The following KHDRBS2 variants were observed in gnomAD, a reference collection of about 807,000 sequenced individuals.
KHDRBS2 encodes the protein KH RNA binding domain containing, signal transduction associated 2.
Under a neutral mutation model 44.3 loss-of-function variants are expected in KHDRBS2, and 26 were observed. That is an observed-to-expected ratio of 0.59 (90% CI 0.43 to 0.81). KHDRBS2 has a LOEUF of 0.81. Among genes scored for constraint, KHDRBS2 ranks in the 40% least tolerant of loss-of-function variants. The pLI, the probability that KHDRBS2 is intolerant of heterozygous loss-of-function variation, is 0.00. For missense variants in KHDRBS2, 476 were observed against 433.1 expected, an observed-to-expected ratio of 1.10 and a Z score of -0.88; for synonymous variants, 194 against 151.1, an observed-to-expected ratio of 1.28 and a Z score of -2.08.
rs901250109 is a variant in KHDRBS2, at chr6:62,194,269, C to A, written c.92-16957G>T. Reference sequence around the variant, plus strand: ...TATAAACAGGATAAGAGTCCAACTTCATTTTTTTTGCATTTGGATAAACAG... The same window carrying A: ...TATAAACAGGATAAGAGTCCAACTTAATTTTTTTTGCATTTGGATAAACAG... On this transcript the variant is annotated intron_variant, in intron 1 of 8. Transcript: ENST00000281156. 2.4e-4 allele frequency among the ~76,000 whole-genome samples: 37 copies of A among 151,894 alleles called. 1 individual carries two copies. Among genetic ancestry groups the A allele is most frequent in the African/African-American group, 8.7e-4 (36 of 41,422 alleles).
At chr6:62,156,293 C>T (rs1168718928) in intron 2 of KHDRBS2, among the ~76,000 whole-genome samples, 2 of 152,016 alleles carry the variant, frequency 1.3e-5, no homozygotes, top group African/African-American at 4.8e-5. Flanking sequence ...GTATTTTGTA[C>T]TACCTATTTT....
intron 1 of KHDRBS2, among the ~76,000 whole-genome samples, chr6:62,254,616 G>A (rs1436690048): frequency 6.6e-6 from 1 of 151,928 alleles, no homozygotes; most frequent in African/African-American, 2.4e-5. Context: ...TAAGACAGGA[G>A]AAAGCCAGTA....
intron 7 of KHDRBS2, among the ~76,000 whole-genome samples, chr6:61,697,476 C>T (rs1309287906): frequency 1.3e-5 from 2 of 151,826 alleles, no homozygotes; most frequent in African/African-American, 4.8e-5. Context: ...TCTCTCTATC[C>T]ACCAATTTGA....
intron 2 of KHDRBS2, among the ~76,000 whole-genome samples, chr6:62,060,817 G>A (rs2127325787): frequency 6.6e-6 from 1 of 151,888 alleles, no homozygotes; most frequent in South Asian, 2.1e-4. Context: ...ATACTAAGTA[G>A]AAAAATGTGG....
At chr6:61,646,100 C>A in the KHDRBS2 span, among the ~76,000 whole-genome samples, 1 of 152,090 alleles carries the variant, frequency 6.6e-6, no homozygotes, top group African/African-American at 2.4e-5. Flanking sequence ...AAGGATTAAA[C>A]GAGTCAGTCC....
In KHDRBS2 at chr6:61,978,151, A is replaced by C; in HGVS notation, c.398T>G (p.Val133Gly). The C allele has an allele frequency of 6.2e-7, 1 of 1,611,988 alleles. No homozygotes were observed. Among genetic ancestry groups the C allele is most frequent in the Non-Finnish European group, 8.5e-7 (1 of 1,178,400 alleles). Residue 133 changes from valine to glycine, a missense_variant, in exon 4 of 9, where the codon GTA becomes GGA. Coordinates refer to ENST00000281156, the MANE Select transcript of KHDRBS2 (RefSeq NM_152688.4). Reference sequence around the variant, plus strand: ...AGGTGGAGCAAACACTTCAATTAATACATGAAGCTCATCACTCAAGTGGGC... The same window carrying C: ...AGGTGGAGCAAACACTTCAATTAATCCATGAAGCTCATCACTCAAGTGGGC... ...KYAHLSDELH[V>G]LIEVFAPPGE...
chr6:62,081,868 A>T (rs1391330268), intron 2 of KHDRBS2, among the ~76,000 whole-genome samples: 1 of 152,068 alleles, frequency 6.6e-6, no homozygotes, highest in Non-Finnish European at 1.5e-5. Context: ...ATATAATATT[A>T]TATACACAAA....
intron 6 of KHDRBS2, among the ~76,000 whole-genome samples, chr6:61,832,015 A>G (rs1354960009): frequency 6.6e-6 from 1 of 152,118 alleles, no homozygotes; most frequent in Non-Finnish European, 1.5e-5. Context: ...CCAAGGTGGG[A>G]GGACTGATTG....
At chr6:62,004,673 A>C (rs1778897922) in intron 3 of KHDRBS2, among the ~76,000 whole-genome samples, 1 of 152,208 alleles carries the variant, frequency 6.6e-6, no homozygotes, top group Non-Finnish European at 1.5e-5. Context: ...GGCCAGCATC[A>C]TACTGATACC....
intron 4 of KHDRBS2, among the ~76,000 whole-genome samples, chr6:61,952,675 C>A (rs1765015744): frequency 1.3e-5 from 2 of 152,036 alleles, no homozygotes; most frequent in African/African-American, 4.8e-5. Context: ...CAATTTTCCA[C>A]CTGGATATCA....
chr6:62,064,732 A>G (rs1793085352), intron 2 of KHDRBS2, among the ~76,000 whole-genome samples: 1 of 152,162 alleles, frequency 6.6e-6, no homozygotes, highest in Non-Finnish European at 1.5e-5. Flanking sequence ...CAAGGGCTTC[A>G]TGTCTAAAAC....
At chr6:62,164,848 A>G (rs1818351443) in intron 2 of KHDRBS2, among the ~76,000 whole-genome samples, 1 of 151,856 alleles carries the variant, frequency 6.6e-6, no homozygotes, top group Non-Finnish European at 1.5e-5. Context: ...TTATAATCCA[A>G]ACTTATCAGT....
chr6:62,069,463 G>C (rs1171873764), intron 2 of KHDRBS2, among the ~76,000 whole-genome samples: 1 of 151,572 alleles, frequency 6.6e-6, no homozygotes, highest in Non-Finnish European at 1.5e-5. Flanking sequence ...TTTTTTTCTT[G>C]TAATATCATG....
chr6:62,200,522 A>T (rs376049473), intron 1 of KHDRBS2, among the ~76,000 whole-genome samples: 1 of 152,222 alleles, frequency 6.6e-6, no homozygotes, highest in South Asian at 2.1e-4. Flanking sequence ...ATGCACATCA[A>T]AACCACAATG....
chr6:61,930,574 T>G (rs1486816483), intron 4 of KHDRBS2, among the ~76,000 whole-genome samples: 10 of 101,456 alleles, frequency 9.9e-5, no homozygotes, highest in Non-Finnish European at 1.6e-4. Context: ...AAAAGGCTAG[T>G]CTAGTCTAGT....
chr6:62,099,231 G>C (rs1801318257), intron 2 of KHDRBS2, among the ~76,000 whole-genome samples: 1 of 152,072 alleles, frequency 6.6e-6, no homozygotes, highest in African/African-American at 2.4e-5. Context: ...CACATTCAAG[G>C]ATTTGGTATT....
Position 62,124,453 on chromosome 6 carries a change from A to T in KHDRBS2, c.219+52732T>A, listed in dbSNP as rs77285671. On this transcript the variant is annotated intron_variant, in intron 2 of 8. Coordinates refer to ENST00000281156, the MANE Select transcript of KHDRBS2 (RefSeq NM_152688.4). ...TGTGGACTCACAAAAACATGCAGAG[A>T]TTCTTATCATGCAAACCTGTTTTGT... 3.9e-3 allele frequency among the ~76,000 whole-genome samples: 593 copies of T among 152,290 alleles called. 5 individuals carry two copies. Among genetic ancestry groups the T allele is most frequent in the African/African-American group, 0.013 (551 of 41,566 alleles).
At chr6:62,161,212 G>A (rs1817548529) in intron 2 of KHDRBS2, among the ~76,000 whole-genome samples, 1 of 151,778 alleles carries the variant, frequency 6.6e-6, no homozygotes, top group African/African-American at 2.4e-5. Context: ...GCATATATTT[G>A]AATCACTTTT....
At chr6:61,764,963 A>AC (rs1473281677) in intron 6 of KHDRBS2, among the ~76,000 whole-genome samples, 1 of 151,680 alleles carries the variant, frequency 6.6e-6, no homozygotes, top group Non-Finnish European at 1.5e-5. Flanking sequence ...CTTAATAGTT[A>AC]AATTAAATTT....
Sources: allele counts gnomAD v4.1 joint callset (sites outside exome capture counted in the v4.1 genomes callset), GRCh38; gene constraint gnomAD v4.1.1; transcripts MANE v1.5; gene names NCBI Gene and HGNC (gene_info 2026-07-23, HGNC 2026-07-21).